TIAM1: variants seen among roughly 807,000 people sequenced by gnomAD.
The protein encoded by TIAM1 is TIAM Rac1 associated GEF 1.
A neutral mutation model predicts 163.5 loss-of-function variants in TIAM1; 65 were observed. The observed-to-expected ratio is 0.40, with a 90% CI of 0.33 to 0.49. TIAM1 has a LOEUF of 0.49. Among genes scored for constraint, TIAM1 ranks in the 20% least tolerant of loss-of-function variants. The probability of loss-of-function intolerance (pLI) is 0.77; values close to 1 mark genes in which losing one functional copy is unlikely to be tolerated. For synonymous variants in TIAM1, 833 were observed against 810.1 expected (o/e 1.03, Z -0.48); for missense variants, 1,789 against 2,044.7 (o/e 0.87, Z 2.41).
At chr21:31,524,964 G>A (rs981034347) in intron 1 of TIAM1, among the ~76,000 whole-genome samples, 2 of 152,060 alleles carry the variant, frequency 1.3e-5, no homozygotes, top group Non-Finnish European at 2.9e-5. Context: ...CAAGAAAAAT[G>A]GCAGCAACAT....
intron 1 of TIAM1, among the ~76,000 whole-genome samples, chr21:31,541,866 T>C (rs2048332729): frequency 6.6e-6 from 1 of 152,262 alleles, no homozygotes; most frequent in Non-Finnish European, 1.5e-5. Flanking sequence ...AAGAGTAAGC[T>C]GATCCATGTG....
intron 3 of TIAM1, among the ~76,000 whole-genome samples, chr21:31,273,841 T>C (rs979667198): frequency 6.6e-6 from 1 of 152,176 alleles, no homozygotes; most frequent in Admixed American, 6.5e-5. Flanking sequence ...CCTGAGTAAA[T>C]GTAAACACCC....
At chr21:31,134,942 C>G (rs1460961011) in intron 23 of TIAM1, among the ~76,000 whole-genome samples, 1 of 151,998 alleles carries the variant, frequency 6.6e-6, no homozygotes, top group African/African-American at 2.4e-5. Flanking sequence ...GCATTAAATA[C>G]TTTGATTTTA....
At position 31,485,878 on chromosome 21, in the gene TIAM1, G is replaced by A. The variant is rs1409447774; in HGVS notation, c.-421-21843C>T. Reference sequence around the variant, plus strand: ...TTTGCAGATGAGGAAACCCAGGCACGAAGGGGGTGAGTTCCCTGTACAAGG... The same window carrying A: ...TTTGCAGATGAGGAAACCCAGGCACAAAGGGGGTGAGTTCCCTGTACAAGG... On this transcript the variant is annotated intron_variant, in intron 1 of 28. Transcript: ENST00000286827. Among the ~76,000 whole-genome samples the A allele has an allele frequency of 5.3e-5, 8 of 152,300 alleles. No individual in the cohort carries two copies. In the East Asian group the frequency reaches 5.8e-4, roughly 11 times the overall value.
intron 16 of TIAM1, among the ~76,000 whole-genome samples, chr21:31,157,781 A>AT (rs1184631281): frequency 6.6e-6 from 1 of 152,098 alleles, no homozygotes; most frequent in Non-Finnish European, 1.5e-5. Context: ...CTAGAAATCA[A>AT]TTTTTTTCAC....
chr21:31,194,214 C>T (rs1007654405), intron 13 of TIAM1, among the ~76,000 whole-genome samples: 1 of 151,978 alleles, frequency 6.6e-6, no homozygotes, highest in African/African-American at 2.4e-5. Flanking sequence ...CATGAGACAA[C>T]GAACCGTGGG....
intron 2 of TIAM1, among the ~76,000 whole-genome samples, chr21:31,429,119 C>T (rs1033608340): frequency 5.9e-5 from 9 of 152,040 alleles, no homozygotes; most frequent in African/African-American, 2.2e-4. Context: ...CCCACCTCAG[C>T]CTCCCCAGTT....
At chr21:31,324,665 T>C (rs922137979) in intron 2 of TIAM1, among the ~76,000 whole-genome samples, 1 of 152,170 alleles carries the variant, frequency 6.6e-6, no homozygotes, top group Non-Finnish European at 1.5e-5. Flanking sequence ...GACAGCTGCC[T>C]CTAGCCTACC....
Position 31,418,750 on chromosome 21 carries a change from C to T in TIAM1, c.-369+45233G>A, listed in dbSNP as rs76079004. ...TCCCCTGGAAACAGAGGAAAACACA[C>T]CGCCAGAGAAGAAAGTCGCCCTGAA... On this transcript the variant is annotated intron_variant, in intron 2 of 28. Transcript: ENST00000286827. 3.8e-3 allele frequency among the ~76,000 whole-genome samples: 581 copies of T among 152,302 alleles called. 3 individuals are homozygous for T. The highest frequency in any genetic ancestry group is 0.013 in the African/African-American group (555 of 41,554).
chr21:31,519,879 GC>G (rs1309876427), intron 1 of TIAM1, among the ~76,000 whole-genome samples: 1 of 152,198 alleles, frequency 6.6e-6, no homozygotes, highest in Admixed American at 6.5e-5. Flanking sequence ...GAATGGCGGT[GC>G]CAGGGCCTGG....
intron 2 of TIAM1, among the ~76,000 whole-genome samples, chr21:31,409,484 C>A (rs2147235444): frequency 6.6e-6 from 1 of 152,314 alleles, no homozygotes; most frequent in Non-Finnish European, 1.5e-5. Flanking sequence ...CCACCTCCTG[C>A]TCCCCACATC....
intron 2 of TIAM1, among the ~76,000 whole-genome samples, chr21:31,287,078 G>T (rs1168852806): frequency 1.3e-5 from 2 of 152,056 alleles, no homozygotes; most frequent in African/African-American, 4.8e-5. Context: ...CACTATTTTT[G>T]ACTCTTAACA....
intron 1 of TIAM1, among the ~76,000 whole-genome samples, chr21:31,545,605 G>A (rs968078521): frequency 2.2e-4 from 33 of 152,046 alleles, no homozygotes; most frequent in African/African-American, 7.5e-4. Flanking sequence ...AAGGAGAAAG[G>A]GGAAAAAAGG....
chr21:31,268,280 C>T (rs985331194), intron 3 of TIAM1, among the ~76,000 whole-genome samples: 1 of 152,068 alleles, frequency 6.6e-6, no homozygotes, highest in Admixed American at 6.5e-5. Flanking sequence ...AATTTCTAGC[C>T]AGGGAAGGCA....
At chr21:31,210,908 T>TG (rs2086856164) in intron 10 of TIAM1, among the ~76,000 whole-genome samples, 1 of 152,136 alleles carries the variant, frequency 6.6e-6, no homozygotes, top group Non-Finnish European at 1.5e-5. Context: ...ACATCTGCCA[T>TG]GAGAACTTTA....
intron 10 of TIAM1, 86 bp downstream of exon 10, chr21:31,213,312 T>C: frequency 1.7e-6 from 2 of 1,174,680 alleles, no homozygotes; most frequent in South Asian, 3.2e-5. Flanking sequence ...TTTACTTAAT[T>C]TTAGTAGCTC....
At chr21:31,183,546 T>C (rs1386400899) in intron 14 of TIAM1, among the ~76,000 whole-genome samples, 1 of 152,128 alleles carries the variant, frequency 6.6e-6, no homozygotes, top group Admixed American at 6.6e-5. Flanking sequence ...CAGGCAAAGA[T>C]AAATTGCAGG....
chr21:31,492,168 A>C (rs980440306), intron 1 of TIAM1, among the ~76,000 whole-genome samples: 4 of 152,236 alleles, frequency 2.6e-5, no homozygotes, highest in Non-Finnish European at 5.9e-5. Flanking sequence ...CAAAATCGTT[A>C]AGCCAAGGGA....
At chr21:31,370,033 C>T (rs2076570030) in intron 2 of TIAM1, among the ~76,000 whole-genome samples, 1 of 152,162 alleles carries the variant, frequency 6.6e-6, no homozygotes, top group Non-Finnish European at 1.5e-5. Flanking sequence ...CCTTCCACCA[C>T]ATGAGGACAC....
Sources: gnomAD v4.1 joint callset for allele counts (sites outside exome capture counted in the v4.1 genomes callset) on GRCh38, gnomAD v4.1.1 for gene constraint, MANE v1.5 for transcripts, NCBI Gene and HGNC (gene_info 2026-07-23, HGNC 2026-07-21) for gene names.